The following GLIS3 variants were observed in gnomAD, a reference collection of about 807,000 sequenced individuals.
GLIS3 encodes zinc finger protein GLIS3.
GLIS3 carries 53 observed loss-of-function variants against 78.6 expected under a neutral mutation model. The observed-to-expected ratio is 0.67, with a 90% CI of 0.54 to 0.85. The LOEUF is 0.85. Among genes scored for constraint, GLIS3 ranks in the 40% least tolerant of loss-of-function variants. GLIS3 has a pLI of 0.00. For synonymous variants in GLIS3, 684 were observed against 509.9 expected (o/e 1.34, Z -4.60); for missense variants, 1,703 against 1,231.1 (o/e 1.38, Z -5.74).
chr9:4,400,965 G>A, the GLIS3 span, among the ~76,000 whole-genome samples: 7 of 152,308 alleles, frequency 4.6e-5, no homozygotes, highest in East Asian at 1.2e-3. Flanking sequence ...GCTGGCCTCA[G>A]GGGAAACCTA....
intron 2 of GLIS3, among the ~76,000 whole-genome samples, chr9:4,168,893 T>C (rs2131119012): frequency 6.6e-6 from 1 of 152,330 alleles, no homozygotes; most frequent in Admixed American, 6.5e-5. Flanking sequence ...ATCTAGATTC[T>C]GTAACTGTTA....
intron 2 of GLIS3, among the ~76,000 whole-genome samples, chr9:4,130,225 G>C (rs1832874552): frequency 6.6e-6 from 1 of 152,212 alleles, no homozygotes; most frequent in African/African-American, 2.4e-5. Flanking sequence ...GAGTGTAAAA[G>C]TTTGGAAAAT....
intron 4 of GLIS3, among the ~76,000 whole-genome samples, chr9:3,954,699 A>G (rs2130857584): frequency 6.6e-6 from 1 of 152,334 alleles, no homozygotes; most frequent in East Asian, 1.9e-4. Flanking sequence ...GTTTATTTAG[A>G]AAAAAAGAAA....
At chr9:4,092,040 T>C (rs1398057447) in intron 4 of GLIS3, among the ~76,000 whole-genome samples, 3 of 152,184 alleles carry the variant, frequency 2.0e-5, no homozygotes, top group East Asian at 3.8e-4. Context: ...CCCTAGGACA[T>C]TCCTGTACAC....
At chr9:4,456,037 G>A in the GLIS3 span, among the ~76,000 whole-genome samples, 45,011 of 151,952 alleles carry the variant, frequency 0.3, 7,405 homozygotes, top group Middle Eastern at 0.42. Flanking sequence ...GAACCTGGGA[G>A]GGAGAGGTTG....
chr9:4,238,428 C>A (rs1317961112), intron 2 of GLIS3, among the ~76,000 whole-genome samples: 2 of 152,078 alleles, frequency 1.3e-5, no homozygotes, highest in Non-Finnish European at 2.9e-5. Flanking sequence ...TGTAAATCAT[C>A]CCCCAACATT....
chr9:4,234,305 G>C (rs896020945), intron 2 of GLIS3, among the ~76,000 whole-genome samples: 1 of 152,172 alleles, frequency 6.6e-6, no homozygotes, highest in Non-Finnish European at 1.5e-5. Flanking sequence ...AGTGAGATAT[G>C]TGCGACTCCT....
At position 4,246,530 on chromosome 9, in the gene GLIS3, A is replaced by G. The variant is rs1385780591; in HGVS notation, c.388+39508T>C. ...ATCTGCAGTTGTTTCAGGATGTCTA[A>G]TGTCTCCCTTAAAACATAAGCCGTG... is the stretch of plus-strand genomic sequence containing the variant. On this transcript the variant is annotated intron_variant, in intron 2 of 10. Transcript: ENST00000381971. 2.0e-5 allele frequency among the ~76,000 whole-genome samples: 3 copies of G among 152,304 alleles called. No individual in the cohort carries two copies. The East Asian group carries it at 5.8e-4, about 29-fold the overall frequency.
chr9:4,418,836 AG>A, the GLIS3 span, among the ~76,000 whole-genome samples: 2 of 152,222 alleles, frequency 1.3e-5, no homozygotes, highest in Non-Finnish European at 2.9e-5. Context: ...ACAGATGAAG[AG>A]AAAAGTATTG....
At chr9:4,305,443 TC>T (rs1317756057) in intron 4 of GLIS3, 1 of 152,128 alleles carries the variant, frequency 6.6e-6, no homozygotes, top group Non-Finnish European at 1.5e-5. Flanking sequence ...ACCAGGGGCA[TC>T]CCCTATTGAT....
chr9:3,963,184 G>A (rs567962065), intron 4 of GLIS3, among the ~76,000 whole-genome samples: 3 of 152,292 alleles, frequency 2.0e-5, no homozygotes, highest in East Asian at 3.9e-4. Flanking sequence ...TGTGTCTACG[G>A]AGGATGAATA....
upstream of GLIS3, among the ~76,000 whole-genome samples, chr9:4,349,487 G>C (rs770031407): frequency 2.0e-5 from 3 of 152,046 alleles, no homozygotes; most frequent in Non-Finnish European, 4.4e-5. Context: ...ATATTGATGA[G>C]TAGAAAAAGA....
chr9:4,489,350 G>A, the GLIS3 span, among the ~76,000 whole-genome samples: 4 of 152,268 alleles, frequency 2.6e-5, no homozygotes, highest in South Asian at 2.1e-4. Context: ...TTACACCAAA[G>A]GGATGAAGCT....
chr9:3,907,157 T>G (rs577537957), intron 6 of GLIS3, among the ~76,000 whole-genome samples: 1 of 152,320 alleles, frequency 6.6e-6, no homozygotes, highest in East Asian at 1.9e-4. Context: ...TGATTGGACA[T>G]GTGCACTGGG....
At chr9:4,025,710 T>C (rs1823279413) in intron 4 of GLIS3, among the ~76,000 whole-genome samples, 1 of 152,176 alleles carries the variant, frequency 6.6e-6, no homozygotes, top group Non-Finnish European at 1.5e-5. Flanking sequence ...GATCACATGA[T>C]AGAATTAATC....
intron 2 of GLIS3, among the ~76,000 whole-genome samples, chr9:4,262,835 C>T (rs114291033): frequency 0.029 from 4,397 of 150,606 alleles, 209 homozygotes; most frequent in African/African-American, 0.1. Context: ...ATGACTTCAC[C>T]GAAAGGAATG....
intron 2 of GLIS3, among the ~76,000 whole-genome samples, chr9:4,242,788 A>T: frequency 6.6e-6 from 1 of 152,182 alleles, no homozygotes. Context: ...CTCATTAACA[A>T]ATTTTTATAT....
intron 2 of GLIS3, among the ~76,000 whole-genome samples, chr9:4,315,757 T>C (rs1008862666): frequency 6.6e-5 from 10 of 152,034 alleles, no homozygotes; most frequent in Non-Finnish European, 1.3e-4. Context: ...AAGAGGGAGG[T>C]TCCTGGAAGG....
intron 4 of GLIS3, among the ~76,000 whole-genome samples, chr9:3,988,669 C>T (rs1001703683): frequency 1.3e-5 from 2 of 151,922 alleles, no homozygotes; most frequent in Non-Finnish European, 2.9e-5. Context: ...ATAGTCTTTA[C>T]AACAATTGGT....
Sources: gnomAD v4.1 joint callset for allele counts (sites outside exome capture counted in the v4.1 genomes callset) on GRCh38, gnomAD v4.1.1 for gene constraint, MANE v1.5 for transcripts, NCBI Gene and HGNC (gene_info 2026-07-23, HGNC 2026-07-21) for gene names.